Variants in ARHGEF28 observed in about 807,000 individuals in gnomAD.
The protein encoded by ARHGEF28 is 190 kDa guanine nucleotide exchange factor.
ARHGEF28 carries 152 observed loss-of-function variants against 206.6 expected under a neutral mutation model. The observed-to-expected ratio is 0.74, with a 90% CI of 0.64 to 0.84. The LOEUF (loss-of-function observed/expected upper bound fraction) is 0.84, where lower values mean the gene tolerates loss of function less well. ARHGEF28 is among the 40% of genes least tolerant of loss of function. The probability of loss-of-function intolerance (pLI) is 0.00; values close to 1 mark genes in which losing one functional copy is unlikely to be tolerated. For missense variants in ARHGEF28, 2,028 were observed against 2,073.2 expected, an observed-to-expected ratio of 0.98 and a Z score of 0.42; for synonymous variants, 763 against 776.4, an observed-to-expected ratio of 0.98 and a Z score of 0.29.
At chr5:73,675,253 T>G (rs1009218701) in intron 1 of ARHGEF28, among the ~76,000 whole-genome samples, 1 of 152,130 alleles carries the variant, frequency 6.6e-6, no homozygotes, top group East Asian at 1.9e-4. Flanking sequence ...GCAAGGAAAT[T>G]CCCCATCCCC....
chr5:73,747,630 T>G (rs901185027), intron 2 of ARHGEF28, among the ~76,000 whole-genome samples: 1 of 152,234 alleles, frequency 6.6e-6, no homozygotes, highest in African/African-American at 2.4e-5. Context: ...CCCCTTCTTC[T>G]TCCATAGCAT....
intron 21 of ARHGEF28, among the ~76,000 whole-genome samples, chr5:73,871,545 A>G (rs370248388): frequency 6.6e-6 from 1 of 152,218 alleles, no homozygotes; most frequent in Non-Finnish European, 1.5e-5. Context: ...TACAACTAGT[A>G]CGTTTGGTGC....
At chr5:73,844,361 TG>T (rs1370258838) in intron 11 of ARHGEF28, among the ~76,000 whole-genome samples, 2 of 152,144 alleles carry the variant, frequency 1.3e-5, no homozygotes, top group South Asian at 2.1e-4. Context: ...GTACAAGACA[TG>T]GGCAAGCTTC....
chr5:73,672,064 G>A (rs1487005795), intron 1 of ARHGEF28, among the ~76,000 whole-genome samples: 2 of 151,990 alleles, frequency 1.3e-5, no homozygotes, highest in East Asian at 1.9e-4. Context: ...CAAAAGTAAA[G>A]CACATGTAGG....
intron 1 of ARHGEF28, among the ~76,000 whole-genome samples, chr5:73,628,772 T>C (rs1329751834): frequency 6.6e-6 from 1 of 152,200 alleles, no homozygotes; most frequent in Admixed American, 6.5e-5. Flanking sequence ...CAGACTTGAG[T>C]CCACATCTCT....
At chr5:73,908,116 T>C (rs1262099469) in intron 33 of ARHGEF28, among the ~76,000 whole-genome samples, 1 of 152,222 alleles carries the variant, frequency 6.6e-6, no homozygotes, top group Non-Finnish European at 1.5e-5. Flanking sequence ...TAATCATTGT[T>C]TTATTTATAA....
At chr5:73,885,487 TTTTC>T (rs949443472) in intron 24 of ARHGEF28, among the ~76,000 whole-genome samples, 20 of 147,690 alleles carry the variant, frequency 1.4e-4, no homozygotes, top group African/African-American at 2.6e-4. Context: ...TTTTTTTTTT[TTTTC>T]TTCGAGACAG....
Position 73,904,363 on chromosome 5 carries a change from A to G in ARHGEF28, c.4119A>G (p.Ile1373Met), listed in dbSNP as rs775866173. The G allele has an allele frequency of 2.5e-6, 4 of 1,613,186 alleles. No homozygotes were observed. In the Admixed American group the frequency reaches 6.7e-5, roughly 27 times the overall value. Reference protein sequence around the residue: ...NFPGSSQSEIIQAIQNLTRLL... With the variant: ...NFPGSSQSEIMQAIQNLTRLL... ...CTTACAATTTTGTTTTTCAGATTAT[A>G]CAAGCCATACAGAATTTAACCCGTC... Residue 1373 changes from isoleucine to methionine, a missense_variant, in exon 33 of 36, where the codon ATA becomes ATG. Coordinates refer to ENST00000513042, the MANE Select transcript of ARHGEF28 (RefSeq NM_001177693.2).
Position 73,813,561 on chromosome 5 carries a change from C to T in ARHGEF28, c.1024+18170C>T, listed in dbSNP as rs550371796. Reference sequence around the variant, plus strand: ...AGTTCTTCCTGAGTCTCTACTGTTTCATCTGTTGATTTCACCAAAACAAAA... The same window carrying T: ...AGTTCTTCCTGAGTCTCTACTGTTTTATCTGTTGATTTCACCAAAACAAAA... On this transcript the variant is annotated intron_variant, in intron 9 of 35. Transcript: ENST00000513042. 62 of 1,535,202 alleles carry T rather than the reference C, an allele frequency of 4.0e-5. No individual in the cohort carries two copies. In the East Asian group the frequency reaches 7.3e-4, roughly 18 times the overall value.
chr5:73,873,968 G>A (rs1760273673), intron 22 of ARHGEF28, among the ~76,000 whole-genome samples: 1 of 152,082 alleles, frequency 6.6e-6, no homozygotes, highest in African/African-American at 2.4e-5. Flanking sequence ...CAGAGTGGTT[G>A]TACCATTTTA....
intron 7 of ARHGEF28, among the ~76,000 whole-genome samples, chr5:73,792,846 A>G (rs1754564307): frequency 6.6e-6 from 1 of 152,066 alleles, no homozygotes; most frequent in African/African-American, 2.4e-5. Context: ...TGTGTTTTGG[A>G]CTTTGGCACT....
At position 73,749,775 on chromosome 5, in the gene ARHGEF28, T is replaced by C. The variant is rs1028224053; in HGVS notation, c.34-62T>C. The C allele has an allele frequency of 1.9e-6, 3 of 1,587,378 alleles. No homozygotes were observed. The African/African-American group carries it at 4.0e-5, about 21-fold the overall frequency. ...CTGTTATGGACCCAGGTCCTTTGTA[T>C]TGTGCTTTCTTAGAGCCAGGACAAG... On this transcript the variant is annotated intron_variant, in intron 2 of 35. Coordinates refer to ENST00000513042, the MANE Select transcript of ARHGEF28 (RefSeq NM_001177693.2).
intron 1 of ARHGEF28, among the ~76,000 whole-genome samples, chr5:73,659,494 A>T (rs1008128973): frequency 1.3e-5 from 2 of 151,082 alleles, no homozygotes; most frequent in African/African-American, 2.4e-5. Flanking sequence ...CGGCCACTGC[A>T]CTCCAGCCTG....
chr5:73,815,517 C>A (rs1377699205), intron 9 of ARHGEF28, among the ~76,000 whole-genome samples: 2 of 152,086 alleles, frequency 1.3e-5, no homozygotes, highest in Non-Finnish European at 2.9e-5. Flanking sequence ...AGGATAGGTA[C>A]CGTTCTGTAG....
intron 22 of ARHGEF28, among the ~76,000 whole-genome samples, chr5:73,876,680 G>T (rs1162031147): frequency 6.7e-6 from 1 of 150,302 alleles, no homozygotes; most frequent in Non-Finnish European, 1.5e-5. Flanking sequence ...TGAGATAATC[G>T]TGTGGTTTTT....
In ARHGEF28 at chr5:73,909,476, G is replaced by C. The variant is rs1460167299; in HGVS notation, c.4226G>C (p.Gly1409Ala). 2 of 1,612,758 alleles carry C rather than the reference G, an allele frequency of 1.2e-6. No homozygotes were observed. The highest frequency in any genetic ancestry group is 1.7e-6 in the Non-Finnish European group (2 of 1,179,666). Reference protein sequence around the residue: ...IHRLVLQQQEGLSLGHSILRG... With the variant: ...IHRLVLQQQEALSLGHSILRG... ...AGGCTGGTTCTCCAGCAGCAGGAGG[G>C]CCTGTCTCTCGGCCACTCTATCCTC... The change falls in exon 34 of 36, where the codon GGC becomes GCC. Residue 1409 changes from glycine to alanine, a missense_variant. This residue lies in a region of ARHGEF28 where 803 missense variants were observed against 768.0 expected (regional missense o/e 1.05). Coordinates refer to ENST00000513042, the MANE Select transcript of ARHGEF28 (RefSeq NM_001177693.2).
chr5:73,850,675 A>G (rs1393498015), intron 13 of ARHGEF28, among the ~76,000 whole-genome samples: 3 of 152,180 alleles, frequency 2.0e-5, no homozygotes, highest in African/African-American at 7.2e-5. Context: ...CCACACAATT[A>G]AGAGGAAACT....
intron 1 of ARHGEF28, among the ~76,000 whole-genome samples, chr5:73,664,946 G>C (rs1745853541): frequency 6.6e-6 from 1 of 152,116 alleles, no homozygotes; most frequent in Non-Finnish European, 1.5e-5. Context: ...TAGGAACCAA[G>C]GAGTCACATT....
rs532889132 is a variant in ARHGEF28 at position 73,655,954 on chromosome 5, G to T, written c.-11-28887G>T. On this transcript the variant is annotated intron_variant, in intron 1 of 35. Coordinates refer to ENST00000513042, the MANE Select transcript of ARHGEF28 (RefSeq NM_001177693.2). Reference sequence around the variant, plus strand: ...TATGTTGTCACTAAGTGTTTTGTCTGCTGTAGCCAGGAACCAGATGGTCAA... The same window carrying T: ...TATGTTGTCACTAAGTGTTTTGTCTTCTGTAGCCAGGAACCAGATGGTCAA... 8.6e-4 allele frequency among the ~76,000 whole-genome samples: 131 copies of T among 152,306 alleles called. 1 individual carries two copies. The highest frequency in any genetic ancestry group is 1.5e-3 in the Non-Finnish European group (101 of 68,024).
Sources: allele counts gnomAD v4.1 joint callset (sites outside exome capture counted in the v4.1 genomes callset), GRCh38; gene constraint gnomAD v4.1.1; regional missense constraint gnomAD v4.1.1; transcripts MANE v1.5; gene names NCBI Gene and HGNC (gene_info 2026-07-23, HGNC 2026-07-21).